Variants in ERCC5 observed in about 807,000 individuals in gnomAD.
ERCC5 encodes DNA excision repair protein ERCC-5.
Under a neutral mutation model 105.6 loss-of-function variants are expected in ERCC5, and 68 were observed. The observed-to-expected ratio is 0.64, with a 90% CI of 0.53 to 0.79. The LOEUF (loss-of-function observed/expected upper bound fraction) is 0.79, where lower values mean the gene tolerates loss of function less well. Among genes scored for constraint, ERCC5 ranks in the 30% least tolerant of loss-of-function variants. ERCC5 has a pLI of 0.00. For missense variants in ERCC5, 1,373 were observed against 1,426.7 expected (o/e 0.96, Z 0.61); for synonymous variants, 546 against 526.2 (o/e 1.04, Z -0.51).
chr13:102,856,195 A>T, intron 5 of ERCC5, 83 bp downstream of exon 5: 1 of 1,421,492 alleles, frequency 7.0e-7, no homozygotes, highest in Non-Finnish European at 9.9e-7. Context: ...GAGGTATATC[A>T]AACTGTGAAA....
At chr13:102,847,571 A>G (rs185660673) in intron 1 of ERCC5, among the ~76,000 whole-genome samples, 1 of 152,270 alleles carries the variant, frequency 6.6e-6, no homozygotes, top group East Asian at 1.9e-4. Context: ...TGAGATTATC[A>G]TTTTTTGCAA....
At chr13:102,847,458 G>A (rs973582684) in intron 1 of ERCC5, among the ~76,000 whole-genome samples, 1 of 152,082 alleles carries the variant, frequency 6.6e-6, no homozygotes, top group African/African-American at 2.4e-5. Flanking sequence ...GAGTGCAAGA[G>A]TGTGTGGGCG....
chr13:102,857,735 CA>C (rs1348860921), intron 5 of ERCC5, among the ~76,000 whole-genome samples: 1 of 152,176 alleles, frequency 6.6e-6, no homozygotes, highest in African/African-American at 2.4e-5. Context: ...TGGGTTCTTG[CA>C]TTTTCTGTTC....
intron 1 of ERCC5, among the ~76,000 whole-genome samples, chr13:102,849,728 C>T (rs1236307760): frequency 6.6e-6 from 1 of 152,146 alleles, no homozygotes; most frequent in African/African-American, 2.4e-5. Context: ...CCATGGAGCA[C>T]ACAGGCTGGG....
intron 10 of ERCC5, 67 bp downstream of exon 10, chr13:102,866,448 AAGGGGGTATGCACTGTGCCCCCTGG>A: frequency 1.1e-5 from 18 of 1,613,336 alleles, no homozygotes; most frequent in Non-Finnish European, 1.4e-5. Context: ...GCACTGCATG[AAGGGGGTATGCACTGTGCCCCCTGG>A]TGCTCAGGGC....
At position 102,863,112 on chromosome 13, in the gene ERCC5, CTG is replaced by C. The variant is rs1566469454; in HGVS notation, c.1954+12_1954+13del. On this transcript the variant is annotated intron_variant, in intron 8 of 14. Coordinates refer to ENST00000652225, the MANE Select transcript of ERCC5 (RefSeq NM_000123.4). ...AGAAAGTGAATCTGATGGTACGTGT[CTG>C]TGCTTTTGTAGAAATCTGGAACGGT... The C allele has an allele frequency of 6.2e-7, 1 of 1,612,068 alleles. No homozygotes were observed. The highest frequency in any genetic ancestry group is 1.3e-5 in the African/African-American group (1 of 75,008).
At chr13:102,866,077 T>C in intron 9 of ERCC5, 166 bp downstream of exon 9, 1 of 1,483,440 alleles carries the variant, frequency 6.7e-7, no homozygotes, top group Non-Finnish European at 9.3e-7. Context: ...ATAGACTCCG[T>C]TTTCCATGTG....
chr13:102,871,266 C>T (rs1259984520), intron 12 of ERCC5, among the ~76,000 whole-genome samples: 4 of 152,212 alleles, frequency 2.6e-5, no homozygotes, highest in Non-Finnish European at 5.9e-5. Context: ...CCTGGCACGG[C>T]TTGAGTCACA....
intron 5 of ERCC5, among the ~76,000 whole-genome samples, chr13:102,857,506 C>G (rs1328412606): frequency 6.6e-6 from 1 of 152,186 alleles, no homozygotes; most frequent in Admixed American, 6.5e-5. Context: ...ATGTAACATA[C>G]AGACATGCAG....
chr13:102,858,470 CTTT>C (rs1294077648), intron 6 of ERCC5, 52 bp downstream of exon 6: 2 of 1,612,782 alleles, frequency 1.2e-6, no homozygotes, highest in Non-Finnish European at 1.7e-6. Flanking sequence ...TTCAGCAAAA[CTTT>C]TTATTAGAAA....
rs140406319 is a variant in ERCC5 at position 102,872,673 on chromosome 13, A to G, written c.2879+275A>G. ...CTGCAGCCACCACTTCCTGGGCTCA[A>G]GGAATCCTCCTGCCTCAGCCTCCTA... On this transcript the variant is annotated intron_variant, in intron 13 of 14. Coordinates refer to ENST00000652225, the MANE Select transcript of ERCC5 (RefSeq NM_000123.4). Among the ~76,000 whole-genome samples, 39 of 152,322 alleles carry G rather than the reference A, an allele frequency of 2.6e-4. 2 individuals carry two copies. The East Asian group carries it at 7.5e-3, about 29-fold the overall frequency.
In ERCC5 at chr13:102,865,515, A is replaced by T; in HGVS notation, c.1955-152A>T. On this transcript the variant is annotated intron_variant, in intron 8 of 14. Transcript: ENST00000652225. The surrounding 1 kb of genome is among the most constrained non-coding windows in gnomAD (Gnocchi z 4.0). ...GCATTTGTGATTACATTTATTTATTAATAACGCTACTATTACATGTATTCT... is the reference window on the plus strand; with the variant it reads ...GCATTTGTGATTACATTTATTTATTTATAACGCTACTATTACATGTATTCT... 1 of 1,066,400 alleles carries T rather than the reference A, an allele frequency of 9.4e-7. No individual in the cohort carries two copies. The highest frequency in any genetic ancestry group is 1.3e-6 in the Non-Finnish European group (1 of 743,436). 66.1% of individuals were successfully genotyped at this position (1,066,400 alleles called of 1,614,324 possible). A position where few individuals can be genotyped will look rare whatever the true frequency, so the allele number is the denominator to read the frequency against.
chr13:102,868,249 A>G lies in ERCC5; in HGVS notation c.2670A>G (p.Leu890=). 6.2e-7 allele frequency: 1 copy of G among 1,614,206 alleles called. No individual in the cohort carries two copies. Among genetic ancestry groups the G allele is most frequent in the Non-Finnish European group, 8.5e-7 (1 of 1,180,024 alleles). Residue 890 remains leucine, a synonymous_variant, in exon 12 of 15, where the codon CTA becomes CTG. Transcript: ENST00000652225. ...EFPGHGLEPL[L]KFSEWWHEAQ... is the part of the protein sequence containing the mutation. ...CTGGGCATGGCCTGGAACCTCTCCT[A>G]AAATTCTCGTAAGGTCTTTTATTTC... is the stretch of plus-strand genomic sequence containing the variant.
chr13:102,847,018 A>G (rs1272130633), intron 1 of ERCC5, among the ~76,000 whole-genome samples: 2 of 152,230 alleles, frequency 1.3e-5, no homozygotes, highest in African/African-American at 4.8e-5. Flanking sequence ...TGCGATTAAT[A>G]CAGTAAATCT....
chr13:102,865,915 A>G lies in ERCC5; in HGVS notation c.2199+4A>G. On this transcript the variant is annotated splice_donor_region_variant and intron_variant, in intron 9 of 14. Transcript: ENST00000652225. The surrounding 1 kb of genome is among the most constrained non-coding windows in gnomAD (Gnocchi z 4.0). ...TGAATGGCAAGATATTAATTTGGTA[A>G]TACCGTAACATTGTGTTTCGACTTC... is the stretch of plus-strand genomic sequence containing the variant. 6.2e-7 allele frequency: 1 copy of G among 1,614,116 alleles called. No homozygotes were observed. Among genetic ancestry groups the G allele is most frequent in the South Asian group, 1.1e-5 (1 of 91,034 alleles).
At chr13:102,868,065 T>C in intron 11 of ERCC5, 48 bp from the exon 12 acceptor site, 1 of 1,558,434 alleles carries the variant, frequency 6.4e-7, no homozygotes, top group Non-Finnish European at 8.8e-7. Context: ...TTTATAAATG[T>C]CATATAAGAA....
At chr13:102,854,500 C>T (rs925935832) in intron 4 of ERCC5, 126 bp downstream of exon 4, 15 of 887,610 alleles carry the variant, frequency 1.7e-5, no homozygotes, top group Non-Finnish European at 2.5e-5. Flanking sequence ...AATAGGCATG[C>T]TCTATACCTT....
chr13:102,858,412 G>A lies in ERCC5; in HGVS notation c.666G>A (p.Met222Ile), dbSNP rs140730525. Residue 222 changes from methionine (M) to isoleucine (I), a missense_variant, in exon 6 of 15, where the codon ATG (methionine) becomes ATA (isoleucine). Coordinates refer to ENST00000652225, the MANE Select transcript of ERCC5 (RefSeq NM_000123.4). Reference protein sequence around the residue: ...TKRRRTLFEAMPEESDDFSQY... With the variant: ...TKRRRTLFEAIPEESDDFSQY... The stretch of plus-strand genomic sequence containing the variant: ...GCAGAAGAACATTATTTGAAGCAAT[G>A]CCAGAGGTGAAATATGCAACAGTAC... The A allele has an allele frequency of 1.4e-5, 22 of 1,613,986 alleles. No homozygotes were observed. The African/African-American group carries it at 2.7e-4, about 20-fold the overall frequency.
chr13:102,868,308 A>G, intron 12 of ERCC5, 51 bp downstream of exon 12: 2 of 1,609,826 alleles, frequency 1.2e-6, no homozygotes, highest in Non-Finnish European at 1.7e-6. Context: ...TACCCAAATA[A>G]GCAAATAGAA....
Sources: gnomAD v4.1 joint callset for allele counts (sites outside exome capture counted in the v4.1 genomes callset) on GRCh38, gnomAD v4.1.1 for gene constraint, Gnocchi (gnomAD v3.1) non-coding constraint, MANE v1.5 for transcripts, NCBI Gene and HGNC (gene_info 2026-07-23, HGNC 2026-07-21) for gene names.